The following ENPP2 variants were observed in gnomAD, a reference collection of about 807,000 sequenced individuals.
ENPP2 encodes autotaxin.
Under a neutral mutation model 120.2 loss-of-function variants are expected in ENPP2, and 51 were observed. The ratio of observed to expected loss-of-function variants is 0.42; its 90% CI spans 0.34 to 0.54. The LOEUF (loss-of-function observed/expected upper bound fraction) is 0.54, where lower values mean the gene tolerates loss of function less well. Among genes scored for constraint, ENPP2 ranks in the 20% least tolerant of loss-of-function variants. The pLI, the probability that ENPP2 is intolerant of heterozygous loss-of-function variation, is 0.04. For synonymous variants in ENPP2, 365 were observed against 366.4 expected (o/e 1.00, Z 0.04); for missense variants, 920 against 1,066.5 (o/e 0.86, Z 1.91).
chr8:119,561,995 T>G (rs552429500), intron 24 of ENPP2, among the ~76,000 whole-genome samples: 25 of 151,764 alleles, frequency 1.6e-4, no homozygotes, highest in African/African-American at 4.4e-4. Flanking sequence ...AAATTAGCTG[T>G]GCGTGGTGGT....
intron 1 of ENPP2, among the ~76,000 whole-genome samples, chr8:119,655,997 T>C (rs1372094053): frequency 6.6e-6 from 1 of 152,212 alleles, no homozygotes; most frequent in Non-Finnish European, 1.5e-5. Flanking sequence ...ACGGACAGTT[T>C]CTCATTTTGC....
intron 11 of ENPP2, among the ~76,000 whole-genome samples, chr8:119,599,125 G>A (rs1814106946): frequency 6.6e-6 from 1 of 152,110 alleles, no homozygotes; most frequent in African/African-American, 2.4e-5. Context: ...GTTCTTTACT[G>A]GCATCATGTA....
At chr8:119,558,030 C>T (rs571249052) in intron 24 of ENPP2, among the ~76,000 whole-genome samples, 1 of 152,288 alleles carries the variant, frequency 6.6e-6, no homozygotes, top group East Asian at 1.9e-4. Context: ...TGTTTCTTTT[C>T]CAAGCTGTCA....
intron 1 of ENPP2, among the ~76,000 whole-genome samples, chr8:119,672,181 T>C (rs1818270490): frequency 6.6e-6 from 1 of 151,878 alleles, no homozygotes; most frequent in Non-Finnish European, 1.5e-5. Context: ...TTCAAGGAAT[T>C]TGGTGGGAAG....
rs150839757 is a variant in ENPP2, at chr8:119,646,330, G to T, written c.22-7803C>A. ...CCTATCAAAGCAGTTCTCAAAGTAT[G>T]GTCCCTGGATGAGCAGGGTTAGAAT... On this transcript the variant is annotated intron_variant, in intron 1 of 25. Transcript: ENST00000427067. 2.0e-3 allele frequency among the ~76,000 whole-genome samples: 311 copies of T among 152,240 alleles called. 1 individual carries two copies. The highest frequency in any genetic ancestry group is 7.1e-3 in the African/African-American group (297 of 41,542).
intron 11 of ENPP2, among the ~76,000 whole-genome samples, chr8:119,594,196 T>A (rs1813731712): frequency 6.6e-6 from 1 of 152,160 alleles, no homozygotes; most frequent in Admixed American, 6.5e-5. Context: ...GTTTTGAGAG[T>A]AAACAGAAAG....
intron 1 of ENPP2, among the ~76,000 whole-genome samples, chr8:119,667,822 C>A (rs764390358): frequency 3.9e-5 from 6 of 152,202 alleles, no homozygotes; most frequent in Admixed American, 1.3e-4. Context: ...TCCCCATTTT[C>A]GTAAAGATCA....
intron 12 of ENPP2, 33 bp from the exon 13 acceptor site, chr8:119,590,663 CA>C: frequency 6.9e-7 from 1 of 1,450,152 alleles, no homozygotes; most frequent in Non-Finnish European, 9.2e-7. Context: ...TATTTTCAGG[CA>C]AGACTAAAAC....
At chr8:119,653,480 C>T (rs1204966037) in intron 1 of ENPP2, among the ~76,000 whole-genome samples, 2 of 152,088 alleles carry the variant, frequency 1.3e-5, no homozygotes, top group African/African-American at 4.8e-5. Flanking sequence ...TGAACAGAGA[C>T]CCGGATGACA....
At chr8:119,594,240 T>C (rs1399710592) in intron 11 of ENPP2, among the ~76,000 whole-genome samples, 2 of 152,206 alleles carry the variant, frequency 1.3e-5, no homozygotes, top group Non-Finnish European at 2.9e-5. Context: ...TTTTGAACTA[T>C]GGCAAGAAGA....
intron 9 of ENPP2, among the ~76,000 whole-genome samples, chr8:119,605,747 G>A (rs889562738): frequency 6.6e-5 from 10 of 151,836 alleles, no homozygotes; most frequent in Admixed American, 2.0e-4. Flanking sequence ...GATTACAGGC[G>A]TGAGCCACCA....
Position 119,570,750 on chromosome 8 carries a change from T to C in ENPP2, c.1872A>G (p.Glu624=). The change falls in exon 20 of 25, where the codon GAA becomes GAG. Residue 624 remains glutamate, a synonymous_variant. Transcript: ENST00000075322. The stretch of plus-strand genomic sequence containing the variant: ...ATGTCCAGAGTGGCATTAGGAATAT[T>C]TCACTATAACCACTTTCAAAGTCAG... ...YHTDFESGYS[E]IFLMPLWTSY... The C allele has an allele frequency of 6.3e-7, 1 of 1,593,128 alleles. No individual in the cohort carries two copies. Among genetic ancestry groups the C allele is most frequent in the African/African-American group, 1.3e-5 (1 of 74,308 alleles).
chr8:119,620,440 T>C (rs1351384485), intron 4 of ENPP2, among the ~76,000 whole-genome samples: 2 of 152,180 alleles, frequency 1.3e-5, no homozygotes, highest in African/African-American at 4.8e-5. Flanking sequence ...TCTTCAAATA[T>C]ATTAATATAA....
At chr8:119,617,058 T>C in intron 7 of ENPP2, 106 bp downstream of exon 7, 1 of 735,128 alleles carries the variant, frequency 1.4e-6, no homozygotes, top group Admixed American at 2.4e-5. Context: ...CAGAAAGATT[T>C]TCTTTGAACA....
intron 22 of ENPP2, 94 bp from the exon 23 acceptor site, chr8:119,565,049 T>A (rs901907541): frequency 1.9e-6 from 2 of 1,045,368 alleles, no homozygotes; most frequent in African/African-American, 3.2e-5. Context: ...ACGAGCCAAA[T>A]CTCACAAGCC....
intron 1 of ENPP2, among the ~76,000 whole-genome samples, chr8:119,652,744 T>C (rs990596877): frequency 6.6e-6 from 1 of 152,182 alleles, no homozygotes; most frequent in Non-Finnish European, 1.5e-5. Context: ...TTGAACTCAA[T>C]ATTCCAGTGA....
intron 1 of ENPP2, among the ~76,000 whole-genome samples, chr8:119,655,675 G>A (rs2130884288): frequency 6.6e-6 from 1 of 152,308 alleles, no homozygotes; most frequent in Non-Finnish European, 1.5e-5. Context: ...ATGTTGTACA[G>A]AGATTATCTT....
At chr8:119,573,384 G>A (rs1472422714) in intron 19 of ENPP2, among the ~76,000 whole-genome samples, 2 of 141,524 alleles carry the variant, frequency 1.4e-5, no homozygotes, top group Non-Finnish European at 3.0e-5. Flanking sequence ...TCCAGCCTAG[G>A]TGACAGAGCG....
chr8:119,576,162 G>C (rs1268339695), intron 19 of ENPP2, among the ~76,000 whole-genome samples: 1 of 152,096 alleles, frequency 6.6e-6, no homozygotes, highest in East Asian at 1.9e-4. Flanking sequence ...TTTTGAAACA[G>C]AGTTTCACTC....
Sources: allele counts gnomAD v4.1 joint callset (sites outside exome capture counted in the v4.1 genomes callset), GRCh38; gene constraint gnomAD v4.1.1; transcripts MANE v1.5; gene names NCBI Gene and HGNC (gene_info 2026-07-23, HGNC 2026-07-21).